Variants in PRDM16 observed in about 807,000 individuals in gnomAD.
The protein encoded by PRDM16 is histone-lysine N-methyltransferase PRDM16.
Under a neutral mutation model 110.6 loss-of-function variants are expected in PRDM16, and 23 were observed. That is an observed-to-expected ratio of 0.21 (90% confidence interval 0.15 to 0.29). The LOEUF is 0.29. Among genes scored for constraint, PRDM16 ranks in the 10% least tolerant of loss-of-function variants. PRDM16 has a pLI of 1.00. For synonymous variants in PRDM16, 799 were observed against 781.8 expected, an observed-to-expected ratio of 1.02 and a Z score of -0.37; for missense variants, 1,615 against 1,794.3, an observed-to-expected ratio of 0.90 and a Z score of 1.81.
In PRDM16 at chr1:3,167,531, G is replaced by A. The variant is rs371227008; in HGVS notation, c.38-18594G>A. On this transcript the variant is annotated intron_variant, in intron 1 of 16. Coordinates refer to ENST00000270722, the MANE Select transcript of PRDM16 (RefSeq NM_022114.4). ...CCACAGGTGAAGAAGGTGCCAACCC[G>A]GAGCCTCCTCCCAGCGCCTCTGTGG... Among the ~76,000 whole-genome samples the A allele has an allele frequency of 1.7e-3, 264 of 151,950 alleles. 2 individuals carry two copies. The highest frequency in any genetic ancestry group is 5.4e-3 in the African/African-American group (222 of 41,362).
chr1:3,150,507 G>A (rs976498292), intron 1 of PRDM16, among the ~76,000 whole-genome samples: 3 of 152,136 alleles, frequency 2.0e-5, no homozygotes, highest in African/African-American at 4.8e-5. Context: ...GCAGTGAGCC[G>A]AAATTGCGCC....
At chr1:3,397,387 C>T (rs915480970) in intron 5 of PRDM16, among the ~76,000 whole-genome samples, 10 of 152,250 alleles carry the variant, frequency 6.6e-5, no homozygotes, top group African/African-American at 2.2e-4. Flanking sequence ...TGAGAGGATG[C>T]CTGAGAAAAT....
intron 2 of PRDM16, among the ~76,000 whole-genome samples, chr1:3,200,163 A>G (rs1036785215): frequency 1.3e-5 from 2 of 152,164 alleles, no homozygotes; most frequent in African/African-American, 4.8e-5. Flanking sequence ...CCAGGGCCTG[A>G]GGGGCAGAGA....
At chr1:3,149,445 T>G (rs1643736927) in intron 1 of PRDM16, among the ~76,000 whole-genome samples, 1 of 151,954 alleles carries the variant, frequency 6.6e-6, no homozygotes, top group African/African-American at 2.4e-5. Flanking sequence ...CCACACGAGG[T>G]GCTGTGGGTG....
chr1:3,186,483 TCG>T lies in PRDM16; in HGVS notation c.387+13_387+14del. 6.7e-7 allele frequency: 1 copy of T among 1,481,500 alleles called. No individual in the cohort carries two copies. Among genetic ancestry groups the T allele is most frequent in the Non-Finnish European group, 9.1e-7 (1 of 1,100,582 alleles). 91.8% of individuals were successfully genotyped at this position (1,481,500 alleles called of 1,614,324 possible). On this transcript the variant is annotated intron_variant, in intron 2 of 16. Coordinates refer to ENST00000270722, the MANE Select transcript of PRDM16 (RefSeq NM_022114.4). ...CAGACTTCGGATGGGAGGTGAGCGATCGCGCCTGAGTATGATTGATCACGGCC... is the reference window on the plus strand; with the variant it reads ...CAGACTTCGGATGGGAGGTGAGCGATCGCCTGAGTATGATTGATCACGGCC...
At chr1:3,124,045 G>A (rs1372510864) in intron 1 of PRDM16, among the ~76,000 whole-genome samples, 4 of 152,204 alleles carry the variant, frequency 2.6e-5, no homozygotes, top group Non-Finnish European at 5.9e-5. Context: ...TCTCTCTGAC[G>A]CTGCCTTTGG....
intron 1 of PRDM16, among the ~76,000 whole-genome samples, chr1:3,168,372 G>T (rs1643986143): frequency 7.1e-6 from 1 of 140,674 alleles, no homozygotes; most frequent in Admixed American, 7.3e-5. Flanking sequence ...CCCCTGCCTG[G>T]TTTTCTGGAA....
intron 2 of PRDM16, among the ~76,000 whole-genome samples, chr1:3,232,581 G>A (rs2817158): frequency 0.23 from 34,250 of 152,078 alleles, 5,596 homozygotes; most frequent in African/African-American, 0.45. Flanking sequence ...TGCTTGCTTC[G>A]TGAGTAAGTG....
At chr1:3,261,772 C>T (rs1395536993) in intron 3 of PRDM16, among the ~76,000 whole-genome samples, 1 of 152,198 alleles carries the variant, frequency 6.6e-6, no homozygotes, top group Non-Finnish European at 1.5e-5. Flanking sequence ...TCAGCCTGCC[C>T]CGCCCTCCGT....
rs184800017 is a variant in PRDM16 at position 3,358,818 on chromosome 1, G to A, written c.439-26334G>A. ...GTCACAGTGTGTGATGATTCCTGCCGGGGAGGAGGGAGCTCATTCCAAACT... is the reference window on the plus strand; with the variant it reads ...GTCACAGTGTGTGATGATTCCTGCCAGGGAGGAGGGAGCTCATTCCAAACT... On this transcript the variant is annotated intron_variant, in intron 3 of 16. Coordinates refer to ENST00000270722, the MANE Select transcript of PRDM16 (RefSeq NM_022114.4). The surrounding 1 kb of genome is among the most constrained non-coding windows in gnomAD (Gnocchi z 4.0). Among the ~76,000 whole-genome samples the A allele has an allele frequency of 0.01, 1,566 of 152,242 alleles. 16 individuals are homozygous for A. Among genetic ancestry groups the A allele is most frequent in the Non-Finnish European group, 0.013 (893 of 68,032 alleles).
At chr1:3,338,583 C>G (rs1298852996) in intron 3 of PRDM16, among the ~76,000 whole-genome samples, 1 of 152,230 alleles carries the variant, frequency 6.6e-6, no homozygotes, top group Non-Finnish European at 1.5e-5. Context: ...ATGAGTATCT[C>G]ACCAGGGCTT....
chr1:3,185,301 C>T (rs1216723132), intron 1 of PRDM16, among the ~76,000 whole-genome samples: 1 of 152,162 alleles, frequency 6.6e-6, no homozygotes, highest in Non-Finnish European at 1.5e-5. Context: ...GGCACTCTCT[C>T]ATTGCTTAGT....
At chr1:3,368,117 G>A (rs1642847162) in intron 3 of PRDM16, among the ~76,000 whole-genome samples, 1 of 152,182 alleles carries the variant, frequency 6.6e-6, no homozygotes, top group African/African-American at 2.4e-5. Flanking sequence ...CCCAACAGAG[G>A]GGAGGAGGTG....
intron 1 of PRDM16, among the ~76,000 whole-genome samples, chr1:3,091,744 G>C (rs1359500608): frequency 6.6e-6 from 1 of 152,184 alleles, no homozygotes; most frequent in Non-Finnish European, 1.5e-5. Flanking sequence ...TCCCTCCATA[G>C]ATATATGGGT....
rs1020214638 is a variant in PRDM16, at chr1:3,290,823, G to A, written c.438+46686G>A. Among the ~76,000 whole-genome samples the A allele has an allele frequency of 1.3e-5, 2 of 152,028 alleles. No individual in the cohort carries two copies. Among genetic ancestry groups the A allele is most frequent in the Admixed American group, 6.6e-5 (1 of 15,250 alleles). On this transcript the variant is annotated intron_variant, in intron 3 of 16. Transcript: ENST00000270722. The surrounding 1 kb of genome is among the most constrained non-coding windows in gnomAD (Gnocchi z 4.8). ...AACGGGATACGCCGAGCTGAACTTG[G>A]CCACATAATGCCGCTCTGTTTGGGA...
intron 3 of PRDM16, among the ~76,000 whole-genome samples, chr1:3,258,706 A>G (rs1041175197): frequency 1.3e-5 from 2 of 152,240 alleles, no homozygotes; most frequent in Non-Finnish European, 2.9e-5. Context: ...TGTTCATCAC[A>G]GATCAGCTGA....
intron 12 of PRDM16, among the ~76,000 whole-genome samples, chr1:3,422,226 ACAGG>A (rs1391178631): frequency 4.1e-5 from 6 of 147,816 alleles, no homozygotes; most frequent in African/African-American, 7.5e-5. Context: ...AGGCAGACAG[ACAGG>A]CAGGGCAGAC....
intron 2 of PRDM16, among the ~76,000 whole-genome samples, chr1:3,187,869 C>T (rs770745953): frequency 2.6e-5 from 4 of 152,148 alleles, no homozygotes; most frequent in African/African-American, 9.7e-5. Flanking sequence ...AAGAAACGTG[C>T]GGCAGAGTCT....
At chr1:3,363,750 AG>A (rs1223720653) in intron 3 of PRDM16, among the ~76,000 whole-genome samples, 3 of 152,128 alleles carry the variant, frequency 2.0e-5, no homozygotes, top group Non-Finnish European at 4.4e-5. Flanking sequence ...GCCACCCAGG[AG>A]GAAAAACTCA....
Sources: gnomAD v4.1 joint callset for allele counts (sites outside exome capture counted in the v4.1 genomes callset) on GRCh38, gnomAD v4.1.1 for gene constraint, Gnocchi (gnomAD v3.1) non-coding constraint, MANE v1.5 for transcripts, NCBI Gene and HGNC (gene_info 2026-07-23, HGNC 2026-07-21) for gene names.